The following GRIK3 variants were observed in gnomAD, a reference collection of about 807,000 sequenced individuals.
The protein encoded by GRIK3 is glutamate ionotropic receptor kainate type subunit 3.
GRIK3 carries 29 observed loss-of-function variants against 102.5 expected under a neutral mutation model. The ratio of observed to expected loss-of-function variants is 0.28; its 90% CI spans 0.21 to 0.39. The LOEUF is 0.39. Ranked by LOEUF, GRIK3 falls within the 10% of genes least tolerant of loss-of-function variation. GRIK3 has a pLI of 1.00. For missense variants in GRIK3, 908 were observed against 1,252.4 expected, an observed-to-expected ratio of 0.73 and a Z score of 4.15; for synonymous variants, 511 against 504.9, an observed-to-expected ratio of 1.01 and a Z score of -0.16.
chr1:36,835,696 G>A (rs550781801), intron 10 of GRIK3, among the ~76,000 whole-genome samples: 26 of 152,306 alleles, frequency 1.7e-4, no homozygotes, highest in African/African-American at 6.3e-4. Flanking sequence ...ATCCTCAGCA[G>A]GGGAGCTTGC....
At chr1:36,895,488 A>T (rs1178901679) in intron 1 of GRIK3, among the ~76,000 whole-genome samples, 1 of 152,244 alleles carries the variant, frequency 6.6e-6, no homozygotes, top group Non-Finnish European at 1.5e-5. Flanking sequence ...ATACTGTAAC[A>T]GAAATGAAGA....
intron 13 of GRIK3, among the ~76,000 whole-genome samples, chr1:36,810,404 G>C (rs1273627367): frequency 6.6e-6 from 1 of 152,190 alleles, no homozygotes; most frequent in Admixed American, 6.5e-5. Flanking sequence ...ACCAATACAC[G>C]GCGGTGTGCC....
chr1:36,812,367 C>A (rs113142549), intron 13 of GRIK3, among the ~76,000 whole-genome samples: 5 of 152,218 alleles, frequency 3.3e-5, no homozygotes, highest in African/African-American at 1.2e-4. Context: ...CTCTCCCACC[C>A]CCAGCACTGA....
chr1:36,941,483 G>A (rs916307289), intron 1 of GRIK3, among the ~76,000 whole-genome samples: 8 of 152,298 alleles, frequency 5.3e-5, no homozygotes, highest in East Asian at 1.9e-4. Context: ...CACGGGACAG[G>A]AGAGTGGGGA....
chr1:36,873,443 T>A (rs1213088276), intron 3 of GRIK3, among the ~76,000 whole-genome samples: 1 of 152,180 alleles, frequency 6.6e-6, no homozygotes, highest in East Asian at 1.9e-4. Context: ...CTGACTTCTT[T>A]CTGCATAGCC....
intron 3 of GRIK3, among the ~76,000 whole-genome samples, chr1:36,878,254 T>C (rs573041121): frequency 1.3e-4 from 20 of 152,298 alleles, no homozygotes; most frequent in African/African-American, 4.6e-4. Context: ...GCAGAAACAC[T>C]GGAGTGGCTG....
At chr1:37,023,023 T>G (rs1464099691) in intron 1 of GRIK3, among the ~76,000 whole-genome samples, 1 of 152,040 alleles carries the variant, frequency 6.6e-6, no homozygotes, top group East Asian at 1.9e-4. Flanking sequence ...TGAGTAGAAG[T>G]TGGCCAGAAA....
In GRIK3 at chr1:36,806,306, G is replaced by A. The variant is rs1642502243; in HGVS notation, c.2112C>T (p.Phe704=). Residue 704 remains phenylalanine, a synonymous_variant, in exon 14 of 16, where the codon TTC becomes TTT. Transcript: ENST00000373091. The surrounding 1 kb of genome is among the most constrained non-coding windows in gnomAD (Gnocchi z 4.0). ...TFFKKSKIST[F]EKMWAFMSSK... The stretch of plus-strand genomic sequence containing the variant: ...TGCTCATGAAGGCCCACATCTTCTC[G>A]AAGGTGGAGATCTTGGATTTCTGGG... 2 of 1,613,206 alleles carry A rather than the reference G, an allele frequency of 1.2e-6. No individual in the cohort carries two copies. The highest frequency in any genetic ancestry group is 1.7e-6 in the Non-Finnish European group (2 of 1,179,294).
At chr1:36,890,897 A>G in intron 2 of GRIK3, 23 bp downstream of exon 2, 1 of 1,574,344 alleles carries the variant, frequency 6.4e-7, no homozygotes, top group South Asian at 1.2e-5. Flanking sequence ...GGAAGAGAAC[A>G]GAGGCAGGAG....
chr1:36,995,068 A>G (rs1229054929), intron 1 of GRIK3, among the ~76,000 whole-genome samples: 2 of 152,190 alleles, frequency 1.3e-5, no homozygotes, highest in Non-Finnish European at 2.9e-5. Context: ...CTGGAGCTTC[A>G]CAGATGCCCA....
rs1437613245 is a variant in GRIK3, at chr1:36,841,750, C to A, written c.1516G>T (p.Glu506Ter). 1.9e-6 allele frequency: 3 copies of A among 1,613,956 alleles called. No homozygotes were observed. The highest frequency in any genetic ancestry group is 3.3e-5 in the Admixed American group (2 of 60,004). Residue 506 changes from glutamate (E) to a stop codon, truncating the protein, a stop_gained, in exon 10 of 16, where the codon GAG becomes TAG. Coordinates refer to ENST00000373091, the MANE Select transcript of GRIK3 (RefSeq NM_000831.4). LOFTEE classifies it high-confidence loss of function. ...DKGQWNGMVK[E>*]LIDHKADLAV... ...TCCATGCTTACGTGGTCGATGAGCT[C>A]CTTGACCATGCCGTTCCACTGGCCC...
chr1:36,927,994 T>C (rs903155062), intron 1 of GRIK3, among the ~76,000 whole-genome samples: 1 of 152,200 alleles, frequency 6.6e-6, no homozygotes, highest in Non-Finnish European at 1.5e-5. Context: ...AGGCCTTGAC[T>C]GGCCCTCCCT....
At chr1:36,835,074 T>G (rs1640356894) in intron 10 of GRIK3, among the ~76,000 whole-genome samples, 1 of 152,210 alleles carries the variant, frequency 6.6e-6, no homozygotes, top group South Asian at 2.1e-4. Context: ...TGATTCATTG[T>G]TTGCCCCCGG....
chr1:36,982,345 A>G (rs888046941), intron 1 of GRIK3, among the ~76,000 whole-genome samples: 1 of 152,144 alleles, frequency 6.6e-6, no homozygotes, highest in Non-Finnish European at 1.5e-5. Flanking sequence ...CAGCTTCTGG[A>G]GGAGGCGGCC....
chr1:37,007,141 G>C (rs1642540763), intron 1 of GRIK3, among the ~76,000 whole-genome samples: 1 of 152,216 alleles, frequency 6.6e-6, no homozygotes, highest in Non-Finnish European at 1.5e-5. Context: ...AAAAGAAAGG[G>C]AACACGGCAT....
chr1:36,859,331 C>T, intron 6 of GRIK3, 80 bp from the exon 7 acceptor site: 1 of 1,450,102 alleles, frequency 6.9e-7, no homozygotes, highest in Non-Finnish European at 9.4e-7. Flanking sequence ...CCCTTCTCCT[C>T]CCTTGCCACA....
intron 7 of GRIK3, among the ~76,000 whole-genome samples, chr1:36,854,556 A>G (rs990754112): frequency 4.6e-5 from 7 of 152,132 alleles, no homozygotes; most frequent in Non-Finnish European, 7.4e-5. Flanking sequence ...TAGCGGGTCA[A>G]CCTGGCCCCT....
chr1:36,841,959 G>A lies in GRIK3; in HGVS notation c.1327-20C>T, dbSNP rs370621474. On this transcript the variant is annotated intron_variant, in intron 9 of 15. Coordinates refer to ENST00000373091, the MANE Select transcript of GRIK3 (RefSeq NM_000831.4). Reference sequence around the variant, plus strand: ...CTCCTCCTGCAGAGACAGATGGGCAGGGTGTGACGAAGACTGAGCAGCTAG... The same window carrying A: ...CTCCTCCTGCAGAGACAGATGGGCAAGGTGTGACGAAGACTGAGCAGCTAG... 22 of 1,606,394 alleles carry A rather than the reference G, an allele frequency of 1.4e-5. No individual in the cohort carries two copies. Among genetic ancestry groups the A allele is most frequent in the Non-Finnish European group, 1.9e-5 (22 of 1,173,036 alleles).
At chr1:37,020,717 C>T (rs1642701479) in intron 1 of GRIK3, among the ~76,000 whole-genome samples, 1 of 152,100 alleles carries the variant, frequency 6.6e-6, no homozygotes, top group African/African-American at 2.4e-5. Context: ...CAACAAATAA[C>T]AGTTCTTACT....
Sources: gnomAD v4.1 joint callset for allele counts (sites outside exome capture counted in the v4.1 genomes callset) on GRCh38, gnomAD v4.1.1 for gene constraint, Gnocchi (gnomAD v3.1) non-coding constraint, MANE v1.5 for transcripts, NCBI Gene and HGNC (gene_info 2026-07-23, HGNC 2026-07-21) for gene names.